RIMKLB: variants seen among roughly 807,000 people sequenced by gnomAD.
The protein encoded by RIMKLB is ribosomal modification protein rimK like family member B, also known as beta-citrylglutamate synthase B.
RIMKLB carries 7 observed loss-of-function variants against 32.0 expected under a neutral mutation model. The ratio of observed to expected loss-of-function variants is 0.22; its 90% confidence interval spans 0.12 to 0.41. The LOEUF is 0.41. RIMKLB is among the 10% of genes least tolerant of loss of function. The probability of loss-of-function intolerance (pLI) is 1.00; values close to 1 mark genes in which losing one functional copy is unlikely to be tolerated. For synonymous variants in RIMKLB, 172 were observed against 185.1 expected (o/e 0.93, Z 0.57); for missense variants, 289 against 498.7 (o/e 0.58, Z 4.00).
chr12:8,776,892 G>A lies in RIMKLB; in HGVS notation c.*3108G>A, dbSNP rs1950758231. The A allele has an allele frequency of 1.0e-6, 1 of 985,672 alleles. No individual in the cohort carries two copies. The highest frequency in any genetic ancestry group is 1.2e-6 in the Non-Finnish European group (1 of 829,892). The allele number at this position is 985,672 out of a possible 1,614,324, so 61.1% of individuals were successfully genotyped here. On this transcript the variant is annotated 3_prime_UTR_variant, in exon 6 of 6. Coordinates refer to ENST00000535829, the MANE Select transcript of RIMKLB (RefSeq NM_001297776.2). ...ATCATCTCTTTTTCTCAAGAAGAAA[G>A]CAATGGAGAAGCAAATTTGTTTCAT...
intron 5 of RIMKLB, among the ~76,000 whole-genome samples, chr12:8,771,281 G>C (rs777695462): frequency 6.6e-6 from 1 of 152,212 alleles, no homozygotes; most frequent in Non-Finnish European, 1.5e-5. Context: ...CAGGGTATGG[G>C]GCAGGACCTC....
At chr12:8,708,075 A>G (rs1944054797) in intron 1 of RIMKLB, among the ~76,000 whole-genome samples, 1 of 152,198 alleles carries the variant, frequency 6.6e-6, no homozygotes, top group African/African-American at 2.4e-5. Flanking sequence ...TACAGATTCC[A>G]CTGTGTGTTA....
At chr12:8,677,043 TA>T (rs1187968451), upstream of RIMKLB, among the ~76,000 whole-genome samples, 1 of 152,180 alleles carries the variant, frequency 6.6e-6, no homozygotes, top group East Asian at 1.9e-4. Flanking sequence ...GCTTGGTTTT[TA>T]ATTCAAGTCT....
In RIMKLB at chr12:8,722,429, ATAC is replaced by A. The variant is rs760085189; in HGVS notation, c.175+8390_175+8392del. On this transcript the variant is annotated intron_variant, in intron 2 of 5. Coordinates refer to ENST00000535829, the MANE Select transcript of RIMKLB (RefSeq NM_001297776.2). ...GTGGGCTAAAGATATTTAGTAAACC[ATAC>A]TGCAAGCAGATGTGCTGTCATTCAG... Among the ~76,000 whole-genome samples the A allele has an allele frequency of 6.6e-5, 10 of 152,318 alleles. No homozygotes were observed. In the South Asian group the frequency reaches 2.1e-3, roughly 32 times the overall value.
chr12:8,729,491 T>C (rs11046943), intron 2 of RIMKLB, among the ~76,000 whole-genome samples: 5,022 of 152,138 alleles, frequency 0.033, 280 homozygotes, highest in African/African-American at 0.11. Context: ...CAGCTGCTTC[T>C]CCTGTCTGTG....
chr12:8,692,812 G>A (rs755450881), upstream of RIMKLB, among the ~76,000 whole-genome samples: 5 of 152,312 alleles, frequency 3.3e-5, no homozygotes, highest in Admixed American at 2.0e-4. Context: ...GGTTCTAGCC[G>A]GCTGGCTCCA....
In RIMKLB at chr12:8,750,562, A is replaced by C. The variant is rs185327272; in HGVS notation, c.406+470A>C. 7.2e-4 allele frequency among the ~76,000 whole-genome samples: 110 copies of C among 152,106 alleles called. 1 individual carries two copies. The highest frequency in any genetic ancestry group is 1.0e-3 in the Admixed American group (16 of 15,282). On this transcript the variant is annotated intron_variant, in intron 3 of 5. Transcript: ENST00000535829. ...CCATTTTGATAACTCAAATATTTTA[A>C]TGTTTTTAAAGAAAGTAACACTTTA... is the stretch of plus-strand genomic sequence containing the variant.
At position 8,775,803 on chromosome 12, in the gene RIMKLB, C is replaced by T. The variant is rs745642538; in HGVS notation, c.*2019C>T. 14 of 984,950 alleles carry T rather than the reference C, an allele frequency of 1.4e-5. No homozygotes were observed. The highest frequency in any genetic ancestry group is 1.7e-5 in the African/African-American group (1 of 57,204). 61.0% of individuals were successfully genotyped at this position (984,950 alleles called of 1,614,324 possible). A position where few individuals can be genotyped will look rare whatever the true frequency, so the allele number is the denominator to read the frequency against. ...TCATTTCACCTCAGAGAAAAGGATA[C>T]ATAAGAGGAGTTTGTAATTTATCTT... On this transcript the variant is annotated 3_prime_UTR_variant, in exon 6 of 6. Coordinates refer to ENST00000535829, the MANE Select transcript of RIMKLB (RefSeq NM_001297776.2).
In RIMKLB at chr12:8,776,638, C is replaced by T. The variant is rs187652599; in HGVS notation, c.*2854C>T. 7 of 924,898 alleles carry T rather than the reference C, an allele frequency of 7.6e-6. No individual in the cohort carries two copies. The Admixed American group carries it at 1.9e-4, about 24-fold the overall frequency. 57.3% of individuals were successfully genotyped at this position (924,898 alleles called of 1,614,324 possible). On this transcript the variant is annotated 3_prime_UTR_variant, in exon 6 of 6. Coordinates refer to ENST00000535829, the MANE Select transcript of RIMKLB (RefSeq NM_001297776.2). ...ACTGGACTTTATATATCTAAACATA[C>T]AAGTATGAACTATTCTATTTAAAAT...
At chr12:8,752,597 C>T (rs2137784320) in intron 4 of RIMKLB, among the ~76,000 whole-genome samples, 1 of 152,326 alleles carries the variant, frequency 6.6e-6, no homozygotes, top group Non-Finnish European at 1.5e-5. Flanking sequence ...TAACTCCAGT[C>T]ATTGCCCTCT....
At chr12:8,717,421 T>C (rs1944971106) in intron 2 of RIMKLB, among the ~76,000 whole-genome samples, 1 of 150,882 alleles carries the variant, frequency 6.6e-6, no homozygotes, top group African/African-American at 2.5e-5. Context: ...ATAGAAGTTC[T>C]TTTCCTTTTC....
intron 1 of RIMKLB, among the ~76,000 whole-genome samples, chr12:8,710,491 A>T (rs1460642505): frequency 2.0e-5 from 3 of 149,968 alleles, no homozygotes; most frequent in African/African-American, 7.4e-5. Flanking sequence ...TATTTTTAGT[A>T]AAGACAGGGT....
intron 1 of RIMKLB, among the ~76,000 whole-genome samples, chr12:8,701,903 G>T (rs1020402807): frequency 6.6e-6 from 1 of 151,816 alleles, no homozygotes; most frequent in Non-Finnish European, 1.5e-5. Flanking sequence ...TACTCGGGGG[G>T]GCTGAGGCAG....
chr12:8,691,618 A>G (rs1942735889), intron 1 of RIMKLB, among the ~76,000 whole-genome samples: 1 of 152,192 alleles, frequency 6.6e-6, no homozygotes, highest in African/African-American at 2.4e-5. Flanking sequence ...AGACAAACAA[A>G]CAAACAAAAA....
upstream of RIMKLB, among the ~76,000 whole-genome samples, chr12:8,693,401 C>CT (rs397849959): frequency 0.22 from 31,614 of 141,028 alleles, 3,698 homozygotes; most frequent in Middle Eastern, 0.27. Context: ...TTCTTTCTTT[C>CT]TTTTTTTTTT....
At chr12:8,780,601 C>A (rs1045836197), downstream of RIMKLB, 3 of 152,204 alleles carry the variant, frequency 2.0e-5, no homozygotes, top group African/African-American at 7.2e-5. Context: ...TAGGTGGCAG[C>A]AGAGGAAGGA....
intron 2 of RIMKLB, among the ~76,000 whole-genome samples, chr12:8,717,256 A>C (rs1391384326): frequency 6.6e-6 from 1 of 152,110 alleles, no homozygotes; most frequent in Non-Finnish European, 1.5e-5. Flanking sequence ...AAATACTAAA[A>C]ACCACAGTTC....
intron 5 of RIMKLB, among the ~76,000 whole-genome samples, chr12:8,772,680 A>G (rs1280629739): frequency 2.0e-5 from 3 of 152,176 alleles, no homozygotes; most frequent in South Asian, 4.1e-4. Context: ...CCTCACTCCT[A>G]TGGATACACA....
intron 5 of RIMKLB, among the ~76,000 whole-genome samples, chr12:8,756,796 A>G (rs1380970684): frequency 6.9e-6 from 1 of 145,424 alleles, no homozygotes; most frequent in African/African-American, 2.5e-5. Flanking sequence ...GGTTCAAGCA[A>G]TTCTCGTGCC....
Sources: gnomAD v4.1 joint callset for allele counts (sites outside exome capture counted in the v4.1 genomes callset) on GRCh38, gnomAD v4.1.1 for gene constraint, MANE v1.5 for transcripts, NCBI Gene and HGNC (gene_info 2026-07-23, HGNC 2026-07-21) for gene names.